Variants in USP48 observed in about 807,000 individuals in gnomAD.
USP48 encodes ubiquitin specific peptidase 48, also known as ubiquitin carboxyl-terminal hydrolase 48.
A neutral mutation model predicts 150.7 loss-of-function variants in USP48; 43 were observed. That is an observed-to-expected ratio of 0.29 (90% confidence interval 0.22 to 0.37). USP48 has a LOEUF of 0.37. Among genes scored for constraint, USP48 ranks in the 10% least tolerant of loss-of-function variants. The pLI is 1.00. For synonymous variants in USP48, 396 were observed against 425.9 expected, an observed-to-expected ratio of 0.93 and a Z score of 0.86; for missense variants, 813 against 1,249.6, an observed-to-expected ratio of 0.65 and a Z score of 5.27.
At chr1:21,780,406 G>A (rs1312866214) in intron 1 of USP48, among the ~76,000 whole-genome samples, 7 of 152,158 alleles carry the variant, frequency 4.6e-5, no homozygotes, top group Admixed American at 3.9e-4. Context: ...GGGGGAAAAT[G>A]GGAAGTGACT....
intron 8 of USP48, among the ~76,000 whole-genome samples, chr1:21,737,646 A>C (rs71636985): frequency 6.6e-6 from 1 of 152,330 alleles, no homozygotes; most frequent in African/African-American, 2.4e-5. Flanking sequence ...TATTTACTGG[A>C]AAACAAAACA....
intron 1 of USP48, chr1:21,768,354 T>C (rs190115318): frequency 1.6e-3 from 258 of 156,570 alleles, no homozygotes; most frequent in Non-Finnish European, 3.2e-3. Context: ...GGAAAGGATG[T>C]CACAACCGCA....
At chr1:21,777,072 G>A (rs907710812) in intron 1 of USP48, among the ~76,000 whole-genome samples, 6 of 151,268 alleles carry the variant, frequency 4.0e-5, no homozygotes, top group Non-Finnish European at 7.4e-5. Flanking sequence ...CCAAGATTGC[G>A]CCACTACACT....
At chr1:21,729,888 CTTTAGCGGGGCTATAGAAAACAAT>C in intron 9 of USP48, 56 bp from the exon 10 acceptor site, 1 of 1,610,510 alleles carries the variant, frequency 6.2e-7, no homozygotes, top group Non-Finnish European at 8.5e-7. Context: ...TTTGTTTATT[CTTTAGCGGGGCTATAGAAAACAAT>C]TTCCAAAATA....
intron 5 of USP48, 72 bp from the exon 6 acceptor site, chr1:21,751,687 T>A: frequency 8.8e-7 from 1 of 1,130,592 alleles, no homozygotes; most frequent in Non-Finnish European, 1.3e-6. Context: ...TATTACATCC[T>A]AGAAAGATGG....
intron 25 of USP48, 54 bp from the exon 26 acceptor site, chr1:21,680,888 C>G: frequency 7.1e-7 from 1 of 1,399,164 alleles, no homozygotes; most frequent in Non-Finnish European, 9.9e-7. Context: ...TCGTGACAGA[C>G]AGTAATATCA....
intron 22 of USP48, among the ~76,000 whole-genome samples, chr1:21,697,013 G>T (rs2097635544): frequency 6.6e-6 from 1 of 152,082 alleles, no homozygotes; most frequent in African/African-American, 2.4e-5. Context: ...ATTAAATCTG[G>T]ATGAGGTAAC....
intron 14 of USP48, among the ~76,000 whole-genome samples, chr1:21,718,350 G>T (rs1422327362): frequency 6.6e-6 from 1 of 152,228 alleles, no homozygotes. Flanking sequence ...TACAGTGATT[G>T]TATCTGGTGG....
chr1:21,702,630 A>G (rs546994592), intron 21 of USP48, among the ~76,000 whole-genome samples: 1 of 152,012 alleles, frequency 6.6e-6, no homozygotes, highest in South Asian at 2.1e-4. Context: ...CCAGGGGCTT[A>G]TATCTACACT....
In USP48 at chr1:21,705,835, T is replaced by C. The variant is rs1380432997; in HGVS notation, c.2276A>G (p.Lys759Arg). The change falls in exon 19 of 27, where the codon AAG becomes AGG. Residue 759 changes from lysine (K) to arginine (R), a missense_variant and splice_region_variant. By Grantham distance (26) the Lys-to-Arg change is conservative (BLOSUM62 2). Coordinates refer to ENST00000308271, the MANE Select transcript of USP48 (RefSeq NM_032236.8). ...TGACACAGGGCTGCATCTTGTAGGC[T>C]TTCTACTCAAATGAGACAAGGAGGA... ...FVEEWRKFVR[K>R]PTRCSPVSSV... The C allele has an allele frequency of 6.3e-7, 1 of 1,595,134 alleles. No individual in the cohort carries two copies. The highest frequency in any genetic ancestry group is 1.8e-5 in the Admixed American group (1 of 55,274).
rs894053427 is a variant in USP48, at chr1:21,721,747, C to G, written c.1666G>C (p.Glu556Gln). Residue 556 changes from glutamate to glutamine, a missense_variant, in exon 13 of 27, where the codon GAA (glutamate) becomes CAA (glutamine). Coordinates refer to ENST00000308271, the MANE Select transcript of USP48 (RefSeq NM_032236.8). ...ATGCGACAACGTTCTACTACACATT[C>G]CTTACACAGGGCTTTCACTACAGGC... ...PRLTVKALCK[E>Q]CVVERCRILR... The G allele has an allele frequency of 6.3e-7, 1 of 1,598,066 alleles. No individual in the cohort carries two copies. Among genetic ancestry groups the G allele is most frequent in the African/African-American group, 1.3e-5 (1 of 74,520 alleles).
In USP48 at chr1:21,755,252, C is replaced by CT. The variant is rs1557578130; in HGVS notation, c.412+1293_412+1294insA. 3.3e-5 allele frequency among the ~76,000 whole-genome samples: 5 copies of CT among 151,922 alleles called. 1 individual carries two copies. In the East Asian group the frequency reaches 9.7e-4, roughly 30 times the overall value. On this transcript the variant is annotated intron_variant, in intron 3 of 26. Transcript: ENST00000308271. The stretch of plus-strand genomic sequence containing the variant: ...AATATTACTCCTTGGCCTGCAAAAG[C>CT]ATTGCAGGCCAGTAAAAGCTATTCA...
intron 1 of USP48, among the ~76,000 whole-genome samples, chr1:21,779,839 G>C (rs549148774): frequency 2.0e-5 from 3 of 152,218 alleles, no homozygotes; most frequent in Admixed American, 6.6e-5. Flanking sequence ...TTAGTCACTA[G>C]GAAAATGCAA....
chr1:21,765,433 T>C (rs941692559), intron 1 of USP48, among the ~76,000 whole-genome samples: 2 of 152,050 alleles, frequency 1.3e-5, no homozygotes, highest in Non-Finnish European at 2.9e-5. Flanking sequence ...CTGGCTAATA[T>C]GGTGAAACCC....
chr1:21,701,631 T>A, intron 21 of USP48, 29 bp from the exon 22 acceptor site: 1 of 1,603,094 alleles, frequency 6.2e-7, no homozygotes, highest in South Asian at 1.1e-5. Context: ...CAAAGAGAAG[T>A]AGGTCAGACC....
rs370921766 is a variant in USP48, at chr1:21,771,184, G to T, written c.134+11640C>A. On this transcript the variant is annotated intron_variant, in intron 1 of 26. Coordinates refer to ENST00000308271, the MANE Select transcript of USP48 (RefSeq NM_032236.8). The stretch of plus-strand genomic sequence containing the variant: ...AATTTTCGAAATCAAGACCAACCTG[G>T]CCAACGTGGTGAAACCCCGTCTCTA... Among the ~76,000 whole-genome samples, 10 of 151,620 alleles carry T rather than the reference G, an allele frequency of 6.6e-5. 1 individual carries two copies. Among genetic ancestry groups the T allele is most frequent in the African/African-American group, 1.9e-4 (8 of 41,358 alleles).
At chr1:21,753,695 C>T (rs1269887200) in intron 3 of USP48, among the ~76,000 whole-genome samples, 2 of 149,512 alleles carry the variant, frequency 1.3e-5, no homozygotes, top group East Asian at 2.0e-4. Flanking sequence ...GGTGTGGTGG[C>T]GAGCACCTGT....
At chr1:21,720,374 A>G (rs956663298) in intron 14 of USP48, among the ~76,000 whole-genome samples, 4 of 152,202 alleles carry the variant, frequency 2.6e-5, no homozygotes, top group African/African-American at 9.7e-5. Flanking sequence ...AAAATTTCAC[A>G]TGTGAGTTGC....
In USP48 at chr1:21,706,173, G is replaced by C. The variant is rs776125086; in HGVS notation, c.2226C>G (p.Leu742=). ...LSNWPEDTDV[L]YIVSQFFVEE... is the part of the protein sequence containing the mutation. Reference sequence around the variant, plus strand: ...CTACAAAGAACTGAGACACGATGTAGAGGACATCCGTATCCTAGAACACAA... The same window carrying C: ...CTACAAAGAACTGAGACACGATGTACAGGACATCCGTATCCTAGAACACAA... Residue 742 remains leucine (L), a synonymous_variant, in exon 18 of 27, where the codon CTC becomes CTG. Coordinates refer to ENST00000308271, the MANE Select transcript of USP48 (RefSeq NM_032236.8). The C allele has an allele frequency of 6.2e-7, 1 of 1,613,824 alleles. No individual in the cohort carries two copies. Among genetic ancestry groups the C allele is most frequent in the Non-Finnish European group, 8.5e-7 (1 of 1,179,918 alleles).
Sources: gnomAD v4.1 joint callset for allele counts (sites outside exome capture counted in the v4.1 genomes callset) on GRCh38, gnomAD v4.1.1 for gene constraint, MANE v1.5 for transcripts, NCBI Gene and HGNC (gene_info 2026-07-23, HGNC 2026-07-21) for gene names.